Variants in TSC22D1 observed in about 807,000 individuals in gnomAD.
TSC22D1 encodes the protein TSC22 domain family member 1.
In TSC22D1, 9 loss-of-function variants were observed where a neutral mutation model predicts 74.2. That is an observed-to-expected ratio of 0.12 (90% confidence interval 0.07 to 0.21). The LOEUF (loss-of-function observed/expected upper bound fraction) is 0.21, where lower values mean the gene tolerates loss of function less well. Among genes scored for constraint, TSC22D1 ranks in the 10% least tolerant of loss-of-function variants. The pLI, the probability that TSC22D1 is intolerant of heterozygous loss-of-function variation, is 1.00. For missense variants in TSC22D1, 1,427 were observed against 1,304.7 expected (o/e 1.09, Z -1.44); for synonymous variants, 586 against 492.5 (o/e 1.19, Z -2.51).
At chr13:44,447,354 T>C (rs1044344910) in intron 1 of TSC22D1, among the ~76,000 whole-genome samples, 1 of 152,118 alleles carries the variant, frequency 6.6e-6, no homozygotes, top group African/African-American at 2.4e-5. Flanking sequence ...TTTTAAAAGA[T>C]ATAATGCAAG....
At position 44,551,530 on chromosome 13, in the gene TSC22D1, C is replaced by T. The variant is rs545032675; in HGVS notation, c.2912+21633G>A. 1.2e-4 allele frequency among the ~76,000 whole-genome samples: 18 copies of T among 152,106 alleles called. No individual in the cohort carries two copies. In the South Asian group the frequency reaches 2.1e-3, roughly 18 times the overall value. ...CTGCCTCCCAGGTTCAAGCAATTCTCGTGCCTCAGCCTCCCAAGTAGCTGG... is the reference window on the plus strand; with the variant it reads ...CTGCCTCCCAGGTTCAAGCAATTCTTGTGCCTCAGCCTCCCAAGTAGCTGG... On this transcript the variant is annotated intron_variant, in intron 1 of 2. Coordinates refer to ENST00000458659, the MANE Select transcript of TSC22D1 (RefSeq NM_183422.4).
At chr13:44,529,948 C>A (rs1880741751) in intron 1 of TSC22D1, among the ~76,000 whole-genome samples, 2 of 152,076 alleles carry the variant, frequency 1.3e-5, no homozygotes, top group Non-Finnish European at 2.9e-5. Flanking sequence ...GAGAGATATT[C>A]CATGTTTATA....
At chr13:44,458,647 A>AACAGGCGGG (rs1876811627) in intron 1 of TSC22D1, among the ~76,000 whole-genome samples, 1 of 152,092 alleles carries the variant, frequency 6.6e-6, no homozygotes, top group Non-Finnish European at 1.5e-5. Context: ...GGGACCCAGG[A>AACAGGCGGG]AGCCCCACTT....
intron 1 of TSC22D1, among the ~76,000 whole-genome samples, chr13:44,549,633 C>T (rs565508083): frequency 4.0e-5 from 6 of 151,756 alleles, no homozygotes; most frequent in Non-Finnish European, 8.8e-5. Context: ...GGCATGGTTG[C>T]GCACACCTGT....
At chr13:44,567,807 C>T (rs545410426) in intron 1 of TSC22D1, among the ~76,000 whole-genome samples, 108 of 152,126 alleles carry the variant, frequency 7.1e-4, no homozygotes, top group African/African-American at 2.5e-3. Flanking sequence ...GAAAAAGTCC[C>T]AGAATGAAAA....
At chr13:44,453,323 T>C (rs1792920272) in intron 1 of TSC22D1, among the ~76,000 whole-genome samples, 1 of 152,214 alleles carries the variant, frequency 6.6e-6, no homozygotes, top group Non-Finnish European at 1.5e-5. Context: ...GCATGACTAT[T>C]AGTGCACTGA....
In TSC22D1 at chr13:44,435,983, A is replaced by C. The variant is rs1874577575; in HGVS notation, c.2964+61T>G. 1.2e-5 allele frequency: 18 copies of C among 1,524,482 alleles called. 1 individual carries two copies. The South Asian group carries it at 1.8e-4, about 16-fold the overall frequency. The allele number at this position is 1,524,482 out of a possible 1,614,324, so 94.4% of individuals were successfully genotyped here. On this transcript the variant is annotated intron_variant, in intron 2 of 2. Transcript: ENST00000458659. ...AACTTAGGGATGCACTGGTTCCACA[A>C]AACATCTTATTTTTGTGCTGTGCCC...
intron 1 of TSC22D1, among the ~76,000 whole-genome samples, chr13:44,483,569 G>A (rs1364811426): frequency 6.6e-6 from 1 of 152,054 alleles, no homozygotes; most frequent in Non-Finnish European, 1.5e-5. Flanking sequence ...GCAATAGGCT[G>A]AGGCAGGAGA....
At chr13:44,481,891 T>C (rs1176530905) in intron 1 of TSC22D1, among the ~76,000 whole-genome samples, 1 of 152,188 alleles carries the variant, frequency 6.6e-6, no homozygotes, top group African/African-American at 2.4e-5. Flanking sequence ...AAAAATTCTG[T>C]ATATTTAGCA....
chr13:44,576,793 G>A (rs1443652607), upstream of TSC22D1, among the ~76,000 whole-genome samples: 2 of 151,402 alleles, frequency 1.3e-5, no homozygotes, highest in African/African-American at 2.4e-5. Context: ...GGCGCGGGCG[G>A]GCGCGCAGAG....
intron 1 of TSC22D1, among the ~76,000 whole-genome samples, chr13:44,455,744 TTA>T (rs1179576848): frequency 1.3e-5 from 2 of 152,218 alleles, no homozygotes; most frequent in East Asian, 3.8e-4. Context: ...ACAGAGCCTT[TTA>T]AAGCTACTTC....
intron 1 of TSC22D1, among the ~76,000 whole-genome samples, chr13:44,500,745 C>G (rs113416287): frequency 6.6e-6 from 1 of 152,130 alleles, no homozygotes; most frequent in Non-Finnish European, 1.5e-5. Context: ...AGTGCAGTGG[C>G]GCAATCATAG....
At chr13:44,557,135 C>T (rs1284831779) in intron 1 of TSC22D1, among the ~76,000 whole-genome samples, 1 of 145,772 alleles carries the variant, frequency 6.9e-6, no homozygotes, top group Non-Finnish European at 1.5e-5. Context: ...AAGGTAGAAA[C>T]TCAGTCTCAA....
Position 44,576,189 on chromosome 13 carries a change from TCC to T in TSC22D1, c.-117_-116del. 7.4e-7 allele frequency: 1 copy of T among 1,349,880 alleles called. No homozygotes were observed. Among genetic ancestry groups the T allele is most frequent in the South Asian group, 1.6e-5 (1 of 63,822 alleles). The allele number at this position is 1,349,880 out of a possible 1,614,324, so 83.6% of individuals were successfully genotyped here. On this transcript the variant is annotated 5_prime_UTR_variant, in exon 1 of 3. Transcript: ENST00000458659. ...GACCTGACGCTCCGCCTGGCGCGAT[TCC>T]TCCTTCTCCTCCTCCTCAGCCAAAG...
intron 1 of TSC22D1, among the ~76,000 whole-genome samples, chr13:44,471,181 C>G (rs1461484834): frequency 6.6e-6 from 1 of 152,102 alleles, no homozygotes; most frequent in African/African-American, 2.4e-5. Flanking sequence ...TTCAAAAGTA[C>G]TTCATACTTT....
At chr13:44,475,690 A>G (rs1266462183) in intron 1 of TSC22D1, among the ~76,000 whole-genome samples, 1 of 152,190 alleles carries the variant, frequency 6.6e-6, no homozygotes, top group Non-Finnish European at 1.5e-5. Flanking sequence ...AGAGATATAG[A>G]TTAAATGGTC....
intron 1 of TSC22D1, among the ~76,000 whole-genome samples, chr13:44,513,169 C>T (rs1427365217): frequency 6.6e-6 from 1 of 152,210 alleles, no homozygotes; most frequent in East Asian, 1.9e-4. Context: ...TCCTCTACTT[C>T]CCCTAACACT....
Position 44,434,392 on chromosome 13 carries a change from G to C in TSC22D1, c.*234C>G. On this transcript the variant is annotated 3_prime_UTR_variant, in exon 3 of 3. Transcript: ENST00000458659. ...ATCTGCCAAGCTGCATGAGGTCCCG[G>C]TATATCCATGCTAATTCTCGGATTA... The C allele has an allele frequency of 7.3e-7, 1 of 1,372,384 alleles. No homozygotes were observed. Among genetic ancestry groups the C allele is most frequent in the Non-Finnish European group, 9.3e-7 (1 of 1,072,160 alleles). 85.0% of individuals were successfully genotyped at this position (1,372,384 alleles called of 1,614,324 possible). A position where few individuals can be genotyped will look rare whatever the true frequency, so the allele number is the denominator to read the frequency against.
chr13:44,530,056 G>T (rs1287396226), intron 1 of TSC22D1, among the ~76,000 whole-genome samples: 1 of 152,014 alleles, frequency 6.6e-6, no homozygotes. Flanking sequence ...GTGGATACAG[G>T]CAAACTGATT....
Sources: gnomAD v4.1 joint callset for allele counts (sites outside exome capture counted in the v4.1 genomes callset) on GRCh38, gnomAD v4.1.1 for gene constraint, MANE v1.5 for transcripts, NCBI Gene and HGNC (gene_info 2026-07-23, HGNC 2026-07-21) for gene names.